The following NRDC variants were observed in gnomAD, a reference collection of about 807,000 sequenced individuals.
NRDC encodes the protein nardilysin.
In NRDC, 54 loss-of-function variants were observed where a neutral mutation model predicts 147.1. The observed-to-expected ratio is 0.37, with a 90% confidence interval of 0.29 to 0.46. The LOEUF (loss-of-function observed/expected upper bound fraction) is 0.46, where lower values mean the gene tolerates loss of function less well. Among genes scored for constraint, NRDC ranks in the 20% least tolerant of loss-of-function variants. NRDC has a pLI of 1.00. For synonymous variants in NRDC, 440 were observed against 482.1 expected, an observed-to-expected ratio of 0.91 and a Z score of 1.14; for missense variants, 1,082 against 1,370.6, an observed-to-expected ratio of 0.79 and a Z score of 3.33.
chr1:51,861,330 C>A, intron 1 of NRDC, among the ~76,000 whole-genome samples: 2 of 98,322 alleles, frequency 2.0e-5, no homozygotes, highest in South Asian at 3.4e-4. Context: ...ATCTCTTCTT[C>A]TTCTTTTTTT....
chr1:51,860,438 C>T (rs895230072), intron 1 of NRDC, among the ~76,000 whole-genome samples: 1 of 152,184 alleles, frequency 6.6e-6, no homozygotes, highest in Admixed American at 6.5e-5. Context: ...TCATAGCTGC[C>T]TCTGTGTTCA....
At chr1:51,820,997 T>C (rs1208918141) in intron 8 of NRDC, among the ~76,000 whole-genome samples, 2 of 152,120 alleles carry the variant, frequency 1.3e-5, no homozygotes, top group Non-Finnish European at 2.9e-5. Context: ...TACAATTTCT[T>C]ATAAAAGAAC....
intron 21 of NRDC, chr1:51,798,738 G>T (rs568447126): frequency 4.3e-4 from 80 of 184,828 alleles, no homozygotes; most frequent in African/African-American, 1.8e-3. Context: ...TACTATTTTG[G>T]TTTGAAATCT....
rs760726396 is a variant in NRDC, at chr1:51,794,831, A to G, written c.2628T>C (p.Tyr876=). 8.1e-6 allele frequency: 13 copies of G among 1,614,032 alleles called. No individual in the cohort carries two copies. Among genetic ancestry groups the G allele is most frequent in the Non-Finnish European group, 1.0e-5 (12 of 1,180,010 alleles). The change falls in exon 23 of 31, where the codon TAT becomes TAC. Residue 876 remains tyrosine (Y), a synonymous_variant. Transcript: ENST00000352171. ...TSTESMDFLK[Y]VVDKLNFKPL... is the part of the protein sequence containing the mutation. ...AAAATTCAAATACTTACTCAACAAC[A>G]TATTTCAGGAAATCCATAGATTCCT...
intron 1 of NRDC, among the ~76,000 whole-genome samples, chr1:51,868,730 G>C (rs1382699003): frequency 6.6e-6 from 1 of 151,980 alleles, no homozygotes; most frequent in Non-Finnish European, 1.5e-5. Flanking sequence ...AAATTAGCCA[G>C]GTGTGGTGGT....
chr1:51,868,558 C>T (rs897460830), intron 1 of NRDC, among the ~76,000 whole-genome samples: 1 of 152,138 alleles, frequency 6.6e-6, no homozygotes, highest in Non-Finnish European at 1.5e-5. Flanking sequence ...CATAGAATAG[C>T]ACTTAAATCT....
chr1:51,793,331 A>G (rs550234386), intron 24 of NRDC, among the ~76,000 whole-genome samples: 3 of 152,216 alleles, frequency 2.0e-5, no homozygotes, highest in Non-Finnish European at 4.4e-5. Context: ...AATGTAGACT[A>G]GGTTAAGAAA....
At chr1:51,863,403 A>G (rs1682650045) in intron 1 of NRDC, among the ~76,000 whole-genome samples, 1 of 152,158 alleles carries the variant, frequency 6.6e-6, no homozygotes, top group South Asian at 2.1e-4. Flanking sequence ...CTCTGTCTCA[A>G]GAAAAAAAAA....
At chr1:51,824,960 G>C (rs1158132029) in intron 6 of NRDC, among the ~76,000 whole-genome samples, 1 of 152,150 alleles carries the variant, frequency 6.6e-6, no homozygotes, top group African/African-American at 2.4e-5. Context: ...GCCTAAACCT[G>C]TTTATCTTTA....
rs1683442804 is a variant in NRDC, at chr1:51,878,497, G to A, written c.119C>T (p.Ala40Val). 6.2e-7 allele frequency: 1 copy of A among 1,613,866 alleles called. No individual in the cohort carries two copies. Among genetic ancestry groups the A allele is most frequent in the Non-Finnish European group, 8.5e-7 (1 of 1,180,008 alleles). ...CAGAATAGGAAAGGGTCTGGCAGCAGCAGAGTCTTCGCACCGACCCCGCGT... is the reference window on the plus strand; with the variant it reads ...CAGAATAGGAAAGGGTCTGGCAGCAACAGAGTCTTCGCACCGACCCCGCGT... ...IETRGRCEDS[A>V]AARPFPILAM... is the part of the protein sequence containing the mutation. Residue 40 changes from alanine to valine, a missense_variant, in exon 1 of 31, where the codon GCT (alanine) becomes GTT (valine). Transcript: ENST00000352171.
intron 1 of NRDC, among the ~76,000 whole-genome samples, chr1:51,863,105 A>C (rs1682635088): frequency 6.6e-6 from 1 of 151,134 alleles, no homozygotes; most frequent in Non-Finnish European, 1.5e-5. Context: ...ATTTCTTCAG[A>C]GAAGTTCAAA....
chr1:51,805,522 T>C lies in NRDC; in HGVS notation c.2150A>G (p.Lys717Arg). The C allele has an allele frequency of 6.3e-7, 1 of 1,583,062 alleles. No homozygotes were observed. The highest frequency in any genetic ancestry group is 8.5e-7 in the Non-Finnish European group (1 of 1,170,362). ...RFHLISPLIQ[K>R]SAANVVLFDI... is the part of the protein sequence containing the mutation. The stretch of plus-strand genomic sequence containing the variant: ...GACAATTGCTTACTTTGCTGCAGAT[T>C]TCTGTATCAACGGTGAAATTAGATG... Residue 717 changes from lysine to arginine, a missense_variant, in exon 19 of 31, where the codon AAA becomes AGA. This residue lies in a region of NRDC where 635 missense variants were observed against 923.8 expected (regional missense o/e 0.69). Coordinates refer to ENST00000352171, the MANE Select transcript of NRDC (RefSeq NM_001101662.2).
chr1:51,825,538 C>T (rs1053402762), intron 5 of NRDC, among the ~76,000 whole-genome samples, 156 bp from the exon 6 acceptor site: 7 of 152,244 alleles, frequency 4.6e-5, no homozygotes, highest in African/African-American at 1.7e-4. Context: ...ATGATCCAGG[C>T]CTGGCTCTAT....
At chr1:51,790,195 A>C (rs1678534313) in intron 29 of NRDC, among the ~76,000 whole-genome samples, 1 of 152,182 alleles carries the variant, frequency 6.6e-6, no homozygotes. Flanking sequence ...ATGCACTTGG[A>C]ATAATGAACT....
intron 4 of NRDC, 85 bp downstream of exon 4, chr1:51,833,932 C>A: frequency 1.7e-6 from 2 of 1,208,942 alleles, no homozygotes; most frequent in Non-Finnish European, 2.4e-6. Flanking sequence ...AGTATTGTGA[C>A]AATTCTACTG....
At position 51,818,110 on chromosome 1, in the gene NRDC, A is replaced by C. The variant is rs975377388; in HGVS notation, c.1317T>G (p.Ala439=). 1.2e-6 allele frequency: 2 copies of C among 1,605,752 alleles called. No homozygotes were observed. The highest frequency in any genetic ancestry group is 2.7e-5 in the African/African-American group (2 of 74,444). ...GAGGAAGTGCCCATGTGATGGTCAG[A>C]GCATGAATTTTTCTGATTGGAACAA... ...YRVVPIRKIH[A]LTITWALPPQ... is the part of the protein sequence containing the mutation. The change falls in exon 10 of 31, where the codon GCT becomes GCG. Residue 439 remains alanine (A), a synonymous_variant. Transcript: ENST00000352171.
intron 22 of NRDC, among the ~76,000 whole-genome samples, chr1:51,797,188 G>A (rs531449534): frequency 2.2e-4 from 34 of 151,984 alleles, no homozygotes; most frequent in South Asian, 8.3e-4. Flanking sequence ...GTGACAGAGC[G>A]AGACTCTGTC....
chr1:51,857,052 C>G (rs897405452), intron 1 of NRDC, among the ~76,000 whole-genome samples: 1 of 152,174 alleles, frequency 6.6e-6, no homozygotes, highest in African/African-American at 2.4e-5. Flanking sequence ...ATGGGAGTTA[C>G]AAGACAGGAA....
intron 29 of NRDC, among the ~76,000 whole-genome samples, chr1:51,790,233 C>G (rs1571830951): frequency 6.6e-6 from 1 of 152,200 alleles, no homozygotes; most frequent in East Asian, 1.9e-4. Context: ...CCTCAATTTT[C>G]TTTAAACGGC....
Sources: allele counts gnomAD v4.1 joint callset (sites outside exome capture counted in the v4.1 genomes callset), GRCh38; gene constraint gnomAD v4.1.1; regional missense constraint gnomAD v4.1.1; transcripts MANE v1.5; gene names NCBI Gene and HGNC (gene_info 2026-07-23, HGNC 2026-07-21).